Variants in GRM7 observed in about 807,000 individuals in gnomAD.
GRM7 encodes glutamate metabotropic receptor 7.
In GRM7, 35 loss-of-function variants were observed where a neutral mutation model predicts 84.5. The observed-to-expected ratio is 0.41, with a 90% CI of 0.32 to 0.55. The LOEUF is 0.55. Ranked by LOEUF, GRM7 falls within the 20% of genes least tolerant of loss-of-function variation. The pLI, the probability that GRM7 is intolerant of heterozygous loss-of-function variation, is 0.19. For synonymous variants in GRM7, 487 were observed against 455.1 expected, an observed-to-expected ratio of 1.07 and a Z score of -0.89; for missense variants, 1,003 against 1,194.6, an observed-to-expected ratio of 0.84 and a Z score of 2.36.
At chr3:7,577,262 TA>T (rs1695011036) in intron 7 of GRM7, among the ~76,000 whole-genome samples, 1 of 152,154 alleles carries the variant, frequency 6.6e-6, no homozygotes, top group Non-Finnish European at 1.5e-5. Flanking sequence ...GGGATCGTGT[TA>T]AAAATGCATA....
chr3:7,005,261 C>T (rs566389768), intron 1 of GRM7, among the ~76,000 whole-genome samples: 2 of 152,336 alleles, frequency 1.3e-5, no homozygotes, highest in South Asian at 4.1e-4. Context: ...AGAGTCTCTG[C>T]TCATAGCTGG....
At chr3:7,311,020 G>T (rs1158900735) in intron 4 of GRM7, among the ~76,000 whole-genome samples, 1 of 152,022 alleles carries the variant, frequency 6.6e-6, no homozygotes, top group East Asian at 1.9e-4. Flanking sequence ...CCACTTTGAA[G>T]CATCTGTCAC....
chr3:7,366,784 A>T (rs534599459), intron 4 of GRM7, among the ~76,000 whole-genome samples: 1 of 151,988 alleles, frequency 6.6e-6, no homozygotes, highest in Non-Finnish European at 1.5e-5. Context: ...TATATTAATT[A>T]TCACTCTACT....
At chr3:7,500,744 A>G (rs1699857757) in intron 7 of GRM7, among the ~76,000 whole-genome samples, 1 of 152,252 alleles carries the variant, frequency 6.6e-6, no homozygotes, top group Non-Finnish European at 1.5e-5. Context: ...TCTTTTGGTC[A>G]GTGAACCTTT....
At chr3:7,451,924 G>T (rs1697784854) in intron 5 of GRM7, 1 of 152,486 alleles carries the variant, frequency 6.6e-6, no homozygotes, top group East Asian at 1.9e-4. Context: ...TAGCTCTGTA[G>T]TTTGCAAAGG....
chr3:7,040,786 A>G (rs1696573726), intron 1 of GRM7, among the ~76,000 whole-genome samples: 1 of 152,014 alleles, frequency 6.6e-6, no homozygotes, highest in African/African-American at 2.4e-5. Flanking sequence ...ATTCATTTTA[A>G]AAATGATGAG....
At chr3:6,935,190 A>G (rs1697644180) in intron 1 of GRM7, among the ~76,000 whole-genome samples, 1 of 152,244 alleles carries the variant, frequency 6.6e-6, no homozygotes, top group Admixed American at 6.5e-5. Context: ...GTTAGGAACA[A>G]TTAAATGATT....
At chr3:7,132,466 G>A (rs529071645) in intron 1 of GRM7, among the ~76,000 whole-genome samples, 4 of 152,056 alleles carry the variant, frequency 2.6e-5, no homozygotes, top group South Asian at 2.1e-4. Context: ...CTACTGATGG[G>A]GTATTGTATT....
intron 2 of GRM7, 78 bp from the exon 3 acceptor site, chr3:7,298,606 C>A (rs765649832): frequency 4.9e-6 from 6 of 1,220,878 alleles, no homozygotes; most frequent in Non-Finnish European, 7.1e-6. Flanking sequence ...TCAGAATCTC[C>A]TCCTCATCTA....
chr3:7,067,360 C>G (rs1469937089), intron 1 of GRM7, among the ~76,000 whole-genome samples: 1 of 151,878 alleles, frequency 6.6e-6, no homozygotes, highest in East Asian at 1.9e-4. Flanking sequence ...ATCAGTAGCT[C>G]TTCTATTACA....
At chr3:7,572,548 A>C (rs1048115416) in intron 7 of GRM7, among the ~76,000 whole-genome samples, 1 of 151,898 alleles carries the variant, frequency 6.6e-6, no homozygotes, top group African/African-American at 2.4e-5. Context: ...GGCTGGGCAC[A>C]GTGGCTCACG....
intron 1 of GRM7, among the ~76,000 whole-genome samples, chr3:7,050,322 C>T (rs184095004): frequency 6.6e-6 from 1 of 151,932 alleles, no homozygotes; most frequent in East Asian, 1.9e-4. Context: ...TCCAACTGTT[C>T]AGTGTCAACT....
intron 8 of GRM7, among the ~76,000 whole-genome samples, chr3:7,663,443 G>C (rs1699549414): frequency 6.6e-6 from 1 of 152,184 alleles, no homozygotes; most frequent in African/African-American, 2.4e-5. Flanking sequence ...GTCAGCTGGT[G>C]AACTTTCCAG....
In GRM7 at chr3:6,861,197, G is replaced by A; in HGVS notation, c.-192G>A. On this transcript the variant is annotated 5_prime_UTR_variant, in exon 1 of 10. Transcript: ENST00000357716. The surrounding 1 kb of genome is among the most constrained non-coding windows in gnomAD (Gnocchi z 6.4). The stretch of plus-strand genomic sequence containing the variant: ...CGGCCGGCTAACCCGAGAGCGCGAG[G>A]CGCCCCAGGCTGGCAGGCGCCGCGG... 4.3e-6 allele frequency: 2 copies of A among 463,558 alleles called. No individual in the cohort carries two copies. Among genetic ancestry groups the A allele is most frequent in the East Asian group, 3.6e-5 (1 of 27,672 alleles). 28.7% of individuals were successfully genotyped at this position (463,558 alleles called of 1,614,324 possible).
At chr3:6,997,603 G>A (rs1422450225) in intron 1 of GRM7, among the ~76,000 whole-genome samples, 1 of 152,154 alleles carries the variant, frequency 6.6e-6, no homozygotes, top group Admixed American at 6.5e-5. Context: ...CCCACAACAT[G>A]TGGGGATTAT....
At chr3:7,386,836 A>T (rs1694804484) in intron 4 of GRM7, among the ~76,000 whole-genome samples, 1 of 152,048 alleles carries the variant, frequency 6.6e-6, no homozygotes. Flanking sequence ...GTCCTTTGAG[A>T]TTTTCAAGCT....
chr3:6,927,096 A>G (rs1310983161), intron 1 of GRM7, among the ~76,000 whole-genome samples: 1 of 152,190 alleles, frequency 6.6e-6, no homozygotes, highest in Non-Finnish European at 1.5e-5. Flanking sequence ...CATGTTATAC[A>G]ATTTAAATAT....
At chr3:7,360,433 A>G in intron 4 of GRM7, among the ~76,000 whole-genome samples, 1 of 152,136 alleles carries the variant, frequency 6.6e-6, no homozygotes, top group East Asian at 1.9e-4. Flanking sequence ...ATAATGCATC[A>G]GATAAAAAAT....
chr3:6,945,500 G>A (rs1698038925), intron 1 of GRM7, among the ~76,000 whole-genome samples: 1 of 152,034 alleles, frequency 6.6e-6, no homozygotes, highest in Non-Finnish European at 1.5e-5. Flanking sequence ...CTTTGCTCTT[G>A]TGAATAGTGC....
Sources: gnomAD v4.1 joint callset for allele counts (sites outside exome capture counted in the v4.1 genomes callset) on GRCh38, gnomAD v4.1.1 for gene constraint, Gnocchi (gnomAD v3.1) non-coding constraint, MANE v1.5 for transcripts, NCBI Gene and HGNC (gene_info 2026-07-23, HGNC 2026-07-21) for gene names.